Variants in MKNK1 observed in about 807,000 individuals in gnomAD.
MKNK1 encodes the protein MAPK interacting serine/threonine kinase 1.
In MKNK1, 30 loss-of-function variants were observed where a neutral mutation model predicts 49.3. That is an observed-to-expected ratio of 0.61 (90% CI 0.46 to 0.83). The LOEUF (loss-of-function observed/expected upper bound fraction) is 0.83. MKNK1 is among the 40% of genes least tolerant of loss of function. The pLI, the probability that MKNK1 is intolerant of heterozygous loss-of-function variation, is 0.00. For synonymous variants in MKNK1, 176 were observed against 201.7 expected (o/e 0.87, Z 1.08); for missense variants, 423 against 524.7 (o/e 0.81, Z 1.89).
chr1:46,585,310 C>G (rs1672390931), intron 2 of MKNK1, among the ~76,000 whole-genome samples: 1 of 122,248 alleles, frequency 8.2e-6, no homozygotes, highest in African/African-American at 3.0e-5. Flanking sequence ...AAAATCAGCA[C>G]CTCAACACCC....
chr1:46,596,501 A>C (rs1396676902), intron 1 of MKNK1, among the ~76,000 whole-genome samples: 1 of 152,108 alleles, frequency 6.6e-6, no homozygotes, highest in Non-Finnish European at 1.5e-5. Flanking sequence ...GCTTTGTGTT[A>C]TTTTGCCACG....
Position 46,593,701 on chromosome 1 carries a change from CA to C in MKNK1, c.-3+411del, listed in dbSNP as rs550429048. ...TGATGAAACCCGTCTCTACTAAAAA[CA>C]AAAATTAGCTGGGTGTGGTGGTGCA... is the stretch of plus-strand genomic sequence containing the variant. On this transcript the variant is annotated intron_variant, in intron 2 of 12. Coordinates refer to ENST00000371945, the MANE Select transcript of MKNK1 (RefSeq NM_001135553.4). 441 of 154,156 alleles carry C rather than the reference CA, an allele frequency of 2.9e-3. 1 individual carries two copies. Among genetic ancestry groups the C allele is most frequent in the African/African-American group, 0.01 (427 of 41,386 alleles). 9.5% of individuals were successfully genotyped at this position (154,156 alleles called of 1,614,324 possible). A position where few individuals can be genotyped will look rare whatever the true frequency, so the allele number is the denominator to read the frequency against.
intron 10 of MKNK1, among the ~76,000 whole-genome samples, chr1:46,562,276 T>A (rs1253868978): frequency 6.0e-5 from 9 of 151,082 alleles, no homozygotes; most frequent in Non-Finnish European, 1.3e-4. Flanking sequence ...GCGCCTGTAG[T>A]CCCAGCTACT....
chr1:46,560,678 T>C (rs2148539692), intron 11 of MKNK1, among the ~76,000 whole-genome samples: 1 of 152,374 alleles, frequency 6.6e-6, no homozygotes, highest in South Asian at 2.1e-4. Flanking sequence ...TATCATGCTG[T>C]AACTTATCCC....
At position 46,599,710 on chromosome 1, in the gene MKNK1, T is replaced by C. The variant is rs80013021; in HGVS notation, c.-171+4475A>G. On this transcript the variant is annotated intron_variant, in intron 1 of 12. Transcript: ENST00000371945. ...TAACATGGGCCTTTGAACTCAGCAC[T>C]GCTAGTTTTGAACCAAGCTGTGCCC... Among the ~76,000 whole-genome samples the C allele has an allele frequency of 7.1e-3, 1,080 of 152,334 alleles. 17 individuals are homozygous for C. Among genetic ancestry groups the C allele is most frequent in the African/African-American group, 0.025 (1,026 of 41,582 alleles).
intron 2 of MKNK1, among the ~76,000 whole-genome samples, chr1:46,591,642 G>A (rs1358094751): frequency 6.6e-6 from 1 of 152,110 alleles, no homozygotes; most frequent in Non-Finnish European, 1.5e-5. Flanking sequence ...AAGCACAAAC[G>A]CAGCCCACGA....
chr1:46,575,069 ATAT>A, intron 5 of MKNK1, 49 bp from the exon 6 acceptor site: 3 of 1,242,174 alleles, frequency 2.4e-6, no homozygotes, highest in Non-Finnish European at 3.5e-6. Flanking sequence ...AAATGGTATT[ATAT>A]ATTAAAGTCT....
intron 11 of MKNK1, among the ~76,000 whole-genome samples, chr1:46,560,886 C>T (rs1361868645): frequency 6.6e-6 from 1 of 152,184 alleles, no homozygotes. Flanking sequence ...GAGCCTGGCA[C>T]ACCAAGGAGA....
chr1:46,596,152 C>T (rs932070071), intron 1 of MKNK1, among the ~76,000 whole-genome samples: 2 of 152,088 alleles, frequency 1.3e-5, no homozygotes, highest in African/African-American at 4.8e-5. Context: ...TGTAAAGTGC[C>T]AGATGGTAAA....
chr1:46,571,926 G>C, intron 7 of MKNK1, 137 bp downstream of exon 7: 2 of 721,338 alleles, frequency 2.8e-6, no homozygotes, highest in Admixed American at 4.8e-5. Context: ...AACTCCCATG[G>C]GTGAGCATGT....
intron 11 of MKNK1, 100 bp from the exon 12 acceptor site, chr1:46,560,377 G>T: frequency 7.9e-7 from 1 of 1,273,366 alleles, no homozygotes; most frequent in Non-Finnish European, 1.1e-6. Flanking sequence ...TAGGCTGCTG[G>T]CGCAGCACAG....
chr1:46,585,666 G>C (rs1672455871), intron 2 of MKNK1: 1 of 376,958 alleles, frequency 2.7e-6, no homozygotes, highest in African/African-American at 2.1e-5. Context: ...CAGAGCAGAG[G>C]AGCAGCAAGA....
At chr1:46,560,182 G>A (rs1196087525) in intron 12 of MKNK1, 52 bp downstream of exon 12, 2 of 1,604,702 alleles carry the variant, frequency 1.2e-6, no homozygotes, top group Non-Finnish European at 1.7e-6. Flanking sequence ...CACCCCCATG[G>A]TGGCTGAGAG....
intron 1 of MKNK1, among the ~76,000 whole-genome samples, chr1:46,600,689 A>G (rs1039696885): frequency 2.6e-5 from 4 of 152,256 alleles, no homozygotes; most frequent in African/African-American, 9.6e-5. Context: ...GACTGCCATT[A>G]AAACCACACT....
intron 2 of MKNK1, among the ~76,000 whole-genome samples, chr1:46,593,189 G>C (rs912506542): frequency 3.3e-5 from 5 of 152,214 alleles, no homozygotes; most frequent in African/African-American, 1.2e-4. Flanking sequence ...AACCTGAAAA[G>C]ACACATCTCA....
chr1:46,583,029 G>T (rs1671977116), intron 3 of MKNK1, 199 bp downstream of exon 3: 2 of 679,392 alleles, frequency 2.9e-6, no homozygotes, highest in Non-Finnish European at 5.4e-6. Context: ...TGCATCATCT[G>T]AGAGCTTTTT....
intron 6 of MKNK1, among the ~76,000 whole-genome samples, chr1:46,573,048 ACTGT>A (rs745829445): frequency 1.3e-5 from 2 of 152,242 alleles, no homozygotes; most frequent in African/African-American, 2.4e-5. Context: ...CTTGAAATAA[ACTGT>A]CTTATTCTCA....
At chr1:46,565,225 G>A (rs185385697) in intron 8 of MKNK1, 89 bp from the exon 9 acceptor site, 16 of 1,202,914 alleles carry the variant, frequency 1.3e-5, no homozygotes, top group Admixed American at 6.8e-5. Context: ...GCATGGCTCC[G>A]TGGCTGTCAC....
At chr1:46,560,880 C>T (rs1667840285) in intron 11 of MKNK1, among the ~76,000 whole-genome samples, 1 of 152,202 alleles carries the variant, frequency 6.6e-6, no homozygotes, top group Non-Finnish European at 1.5e-5. Flanking sequence ...TGGCCAGAGC[C>T]TGGCACACCA....
Sources: allele counts gnomAD v4.1 joint callset (sites outside exome capture counted in the v4.1 genomes callset), GRCh38; gene constraint gnomAD v4.1.1; transcripts MANE v1.5; gene names NCBI Gene and HGNC (gene_info 2026-07-23, HGNC 2026-07-21).